ASB1: variants seen among roughly 807,000 people sequenced by gnomAD.
The protein encoded by ASB1 is ankyrin repeat and SOCS box containing 1.
Under a neutral mutation model 27.7 loss-of-function variants are expected in ASB1, and 18 were observed. The observed-to-expected ratio is 0.65, with a 90% CI of 0.45 to 0.96. The LOEUF is 0.96. ASB1 is among the 50% of genes least tolerant of loss of function. ASB1 has a pLI of 0.00. For synonymous variants in ASB1, 189 were observed against 187.6 expected, an observed-to-expected ratio of 1.01 and a Z score of -0.06; for missense variants, 397 against 451.7, an observed-to-expected ratio of 0.88 and a Z score of 1.10.
rs188685760 is a variant in ASB1 at position 238,448,205 on chromosome 2, G to A, written c.*1694G>A. 6.6e-6 allele frequency: 1 copy of A among 152,480 alleles called. No individual in the cohort carries two copies. Among genetic ancestry groups the A allele is most frequent in the Admixed American group, 6.5e-5 (1 of 15,288 alleles). 9.4% of individuals were successfully genotyped at this position (152,480 alleles called of 1,614,324 possible). ...CGGCTGGGGAGGGCCAGGACAGCCG[G>A]GGCTGGGTGCTGCAGGGGCTTCAGC... On this transcript the variant is annotated 3_prime_UTR_variant, in exon 5 of 5. Transcript: ENST00000264607.
chr2:238,444,603 C>T lies in ASB1; in HGVS notation c.756C>T (p.Phe252=), dbSNP rs202085572. The T allele has an allele frequency of 4.0e-5, 65 of 1,614,018 alleles. No individual in the cohort carries two copies. The highest frequency in any genetic ancestry group is 6.7e-5 in the African/African-American group (5 of 74,908). The part of the protein sequence containing the change: ...AVLRHGCEAA[F]VSLLVEFGAN... Reference sequence around the variant, plus strand: ...TGCGCCACGGCTGTGAGGCAGCCTTCGTGAGCCTGCTGGTAGAATTTGGAG... The same window carrying T: ...TGCGCCACGGCTGTGAGGCAGCCTTTGTGAGCCTGCTGGTAGAATTTGGAG... Residue 252 remains phenylalanine, a synonymous_variant, in exon 4 of 5, where the codon TTC becomes TTT. Transcript: ENST00000264607.
Position 238,433,642 on chromosome 2 carries a change from C to T in ASB1, c.138C>T (p.Tyr46=), listed in dbSNP as rs140110697. 1.4e-4 allele frequency: 227 copies of T among 1,613,990 alleles called. No homozygotes were observed. The highest frequency in any genetic ancestry group is 1.8e-4 in the Non-Finnish European group (210 of 1,179,986). Residue 46 remains tyrosine (Y), a synonymous_variant, in exon 2 of 5, where the codon TAC becomes TAT. Transcript: ENST00000264607. Reference sequence around the variant, plus strand: ...ACACGAGGCTCCATGATGCAGCTTACGTCGGGGACCTCCAGACCCTCAGGA... The same window carrying T: ...ACACGAGGCTCCATGATGCAGCTTATGTCGGGGACCTCCAGACCCTCAGGA... ...CEDTRLHDAA[Y]VGDLQTLRSL... is the part of the protein sequence containing the mutation.
chr2:238,432,440 G>A (rs1415510948), intron 1 of ASB1, among the ~76,000 whole-genome samples: 1 of 125,508 alleles, frequency 8.0e-6, no homozygotes, highest in Non-Finnish European at 1.9e-5. Flanking sequence ...ATGTACATGT[G>A]TTTTTAACCT....
chr2:238,438,283 T>C (rs1702011635), intron 3 of ASB1, among the ~76,000 whole-genome samples: 1 of 138,254 alleles, frequency 7.2e-6, no homozygotes, highest in South Asian at 2.4e-4. Context: ...CACTGCAATC[T>C]CCGCCTCCAG....
chr2:238,433,403 G>A (rs561976439), intron 1 of ASB1, 151 bp from the exon 2 acceptor site: 11 of 905,404 alleles, frequency 1.2e-5, no homozygotes, highest in South Asian at 1.0e-4. Flanking sequence ...GATTACAGGC[G>A]TGCCACCATG....
intron 3 of ASB1, among the ~76,000 whole-genome samples, chr2:238,440,009 A>C (rs186440386): frequency 6.6e-5 from 10 of 152,194 alleles, no homozygotes; most frequent in African/African-American, 2.4e-4. Context: ...TATTATTGTT[A>C]CTTATTTTGA....
rs1701770655 is a variant in ASB1 at position 238,427,101 on chromosome 2, G to A, written c.31G>A (p.Ala11Thr). The part of the protein sequence containing the change: MAEGGSPDGR[A>T]GPGSAGRNLK... ...GGAGGGCGGCAGCCCAGACGGGCGG[G>A]CAGGGCCGGGCTCCGCAGGTAACGT... Residue 11 changes from alanine (A) to threonine (T), a missense_variant, in exon 1 of 5, where the codon GCA becomes ACA. Coordinates refer to ENST00000264607, the MANE Select transcript of ASB1 (RefSeq NM_001040445.3). 1 of 1,258,932 alleles carries A rather than the reference G, an allele frequency of 7.9e-7. No individual in the cohort carries two copies. The highest frequency in any genetic ancestry group is 1.0e-6 in the Non-Finnish European group (1 of 1,002,862). The allele number at this position is 1,258,932 out of a possible 1,614,324, so 78.0% of individuals were successfully genotyped here. A position where few individuals can be genotyped will look rare whatever the true frequency, so the allele number is the denominator to read the frequency against.
At chr2:238,442,654 T>A (rs1170861516) in intron 3 of ASB1, among the ~76,000 whole-genome samples, 1 of 152,244 alleles carries the variant, frequency 6.6e-6, no homozygotes, top group African/African-American at 2.4e-5. Context: ...AGAGGTTTTT[T>A]TCTAGTTTTT....
chr2:238,432,178 A>G (rs1467728952), intron 1 of ASB1, among the ~76,000 whole-genome samples: 1 of 152,194 alleles, frequency 6.6e-6, no homozygotes, highest in Non-Finnish European at 1.5e-5. Context: ...GTTACCTAGT[A>G]GGGTAGGTCT....
Sources: allele counts gnomAD v4.1 joint callset (sites outside exome capture counted in the v4.1 genomes callset), GRCh38; gene constraint gnomAD v4.1.1; transcripts MANE v1.5; gene names NCBI Gene and HGNC (gene_info 2026-07-23, HGNC 2026-07-21).